The following CFAP99 variants were observed in gnomAD, a reference collection of about 807,000 sequenced individuals.
CFAP99 encodes the protein cilia- and flagella-associated protein 99.
CFAP99 carries 84 observed loss-of-function variants against 82.7 expected under a neutral mutation model. That is an observed-to-expected ratio of 1.02 (90% CI 0.85 to 1.22). The LOEUF is 1.22. CFAP99 is among the 50% of genes most tolerant of loss of function. The pLI, the probability that CFAP99 is intolerant of heterozygous loss-of-function variation, is 0.00. For missense variants in CFAP99, 1,059 were observed against 983.5 expected (o/e 1.08, Z -1.03); for synonymous variants, 456 against 429.5 (o/e 1.06, Z -0.76).
chr4:2,449,644 G>A, intron 6 of CFAP99, 26 bp from the exon 7 acceptor site: 1 of 1,534,572 alleles, frequency 6.5e-7, no homozygotes, highest in South Asian at 1.2e-5. Flanking sequence ...GCTGACCATA[G>A]GCTCTTCCTC....
intron 9 of CFAP99, 59 bp from the exon 10 acceptor site, chr4:2,451,205 A>C: frequency 6.6e-7 from 1 of 1,520,270 alleles, no homozygotes; most frequent in Non-Finnish European, 8.8e-7. Flanking sequence ...CAGGATGGGC[A>C]TTTGCTGCTC....
rs1344234966 is a variant in CFAP99, at chr4:2,440,883, C to T, written c.352-2247C>T. Among the ~76,000 whole-genome samples, 5 of 152,000 alleles carry T rather than the reference C, an allele frequency of 3.3e-5. 1 individual carries two copies. Among genetic ancestry groups the T allele is most frequent in the South Asian group, 2.1e-4 (1 of 4,822 alleles). On this transcript the variant is annotated intron_variant, in intron 4 of 14. Transcript: ENST00000635017. ...TGCTGGGATTACAGGCGTCAGCCAC[C>T]GCGCCCGGCCAAAATTTTTTTTAAA...
At chr4:2,443,019 G>A in intron 4 of CFAP99, 111 bp from the exon 5 acceptor site, 2 of 517,068 alleles carry the variant, frequency 3.9e-6, no homozygotes, top group Non-Finnish European at 7.0e-6. Context: ...GGAGCCACTG[G>A]GGGTGCTGGG....
At chr4:2,423,592 C>T (rs138103749) in intron 1 of CFAP99, among the ~76,000 whole-genome samples, 15 of 152,294 alleles carry the variant, frequency 9.8e-5, no homozygotes, top group African/African-American at 1.4e-4. Context: ...AAAGGTTTCC[C>T]GCAGGATGGG....
At chr4:2,449,889 T>C in intron 7 of CFAP99, 45 bp from the exon 8 acceptor site, 1 of 1,535,436 alleles carries the variant, frequency 6.5e-7, no homozygotes, top group Non-Finnish European at 8.7e-7. Context: ...TGGAGGACAC[T>C]GGGCAGAGGC....
At chr4:2,421,549 T>C (rs542348480) in intron 1 of CFAP99, among the ~76,000 whole-genome samples, 1 of 152,194 alleles carries the variant, frequency 6.6e-6, no homozygotes, top group South Asian at 2.1e-4. Flanking sequence ...AGATGGGTTT[T>C]CACCATGTTG....
At chr4:2,426,878 G>A (rs1375005460) in intron 2 of CFAP99, 5 of 343,940 alleles carry the variant, frequency 1.5e-5, no homozygotes, top group East Asian at 5.5e-5. Context: ...GCCCTGGAGC[G>A]CCCCCATGCC....
chr4:2,445,139 C>T, exon 6 of CFAP99: 1 of 1,359,340 alleles, frequency 7.4e-7, no homozygotes, highest in Non-Finnish European at 9.4e-7. Context: ...AGATGGCAGC[C>T]AGAGGTCCAG....
intron 11 of CFAP99, among the ~76,000 whole-genome samples, chr4:2,456,541 C>T (rs899728068): frequency 5.3e-5 from 8 of 152,132 alleles, no homozygotes; most frequent in African/African-American, 9.7e-5. Flanking sequence ...GTTTTTGAGA[C>T]GGAGTTTCAC....
At chr4:2,438,294 A>G (rs28599556) in intron 4 of CFAP99, 130 bp downstream of exon 4, 306,038 of 629,426 alleles carry the variant, frequency 0.49, 76,193 homozygotes, top group East Asian at 0.64. Context: ...ACGGAGTCTC[A>G]CTCTGTCGCC....
At chr4:2,454,184 G>T (rs1578481116) in intron 11 of CFAP99, among the ~76,000 whole-genome samples, 1 of 152,126 alleles carries the variant, frequency 6.6e-6, no homozygotes, top group Admixed American at 6.6e-5. Flanking sequence ...TGTATTTGTA[G>T]TAGAGATGAG....
intron 5 of CFAP99, among the ~76,000 whole-genome samples, chr4:2,443,661 G>A (rs74362559): frequency 0.039 from 5,896 of 152,252 alleles, 405 homozygotes; most frequent in African/African-American, 0.14. Context: ...CCAAGAGTGC[G>A]GAGTAGGGGT....
chr4:2,442,836 A>G (rs1457935181), intron 4 of CFAP99, among the ~76,000 whole-genome samples: 3 of 151,910 alleles, frequency 2.0e-5, no homozygotes, highest in Admixed American at 6.5e-5. Flanking sequence ...CCGTGGTGAC[A>G]GTCCCAGAAG....
chr4:2,430,503 G>A (rs58084880), intron 2 of CFAP99, among the ~76,000 whole-genome samples: 6,805 of 67,304 alleles, frequency 0.1, 211 homozygotes, highest in African/African-American at 0.2. Context: ...TACGCAATAC[G>A]TAAACCAAAC....
At chr4:2,451,285 C>G (rs1051325759) in exon 10 of CFAP99, 3 of 1,535,952 alleles carry the variant, frequency 2.0e-6, no homozygotes, top group Middle Eastern at 1.7e-4. Flanking sequence ...CCTGGTCAAG[C>G]TGAACACCAC....
intron 11 of CFAP99, 54 bp from the exon 12 acceptor site, chr4:2,458,669 G>A (rs1734493962): frequency 1.3e-6 from 2 of 1,502,486 alleles, no homozygotes; most frequent in Non-Finnish European, 1.8e-6. Flanking sequence ...GGCGGGACCA[G>A]GCAGGGAAGC....
In CFAP99 at chr4:2,459,214, G is replaced by C. The variant is rs1056764182; in HGVS notation, c.1411G>C (p.Glu471Gln). The C allele has an allele frequency of 3.3e-5, 50 of 1,535,554 alleles. No homozygotes were observed. Among genetic ancestry groups the C allele is most frequent in the African/African-American group, 5.5e-5 (4 of 73,058 alleles). ...ACTCATCTCCCAGCTGCGCGCACTCGAGACACAGCCCACGCGCAAGGGCAA... is the reference window on the plus strand; with the variant it reads ...ACTCATCTCCCAGCTGCGCGCACTCCAGACACAGCCCACGCGCAAGGGCAA... Residue 471 changes from glutamate to glutamine, a missense_variant, in exon 13 of 15, where the codon GAG becomes CAG. By Grantham distance (29) the Glu-to-Gln change is conservative (BLOSUM62 2). Coordinates refer to ENST00000635017, the Ensembl canonical transcript of CFAP99.
intron 3 of CFAP99, 85 bp from the exon 4 acceptor site, chr4:2,437,985 C>A (rs942063127): frequency 1.4e-5 from 11 of 764,846 alleles, no homozygotes; most frequent in Non-Finnish European, 2.2e-5. Context: ...TGCCCTGACA[C>A]GGTGGAGGCC....
intron 2 of CFAP99, 88 bp from the exon 3 acceptor site, chr4:2,436,786 C>A: frequency 8.9e-7 from 1 of 1,118,076 alleles, no homozygotes; most frequent in Non-Finnish European, 1.3e-6. Context: ...GGCCGCTCCA[C>A]CCCTGCCTTT....
Sources: allele counts gnomAD v4.1 joint callset (sites outside exome capture counted in the v4.1 genomes callset), GRCh38; gene constraint gnomAD v4.1.1; transcripts MANE v1.5; gene names NCBI Gene and HGNC (gene_info 2026-07-23, HGNC 2026-07-21).